PTPRD: variants seen among roughly 807,000 people sequenced by gnomAD.
The protein encoded by PTPRD is receptor-type tyrosine-protein phosphatase delta.
Under a neutral mutation model 214.5 loss-of-function variants are expected in PTPRD, and 34 were observed. That is an observed-to-expected ratio of 0.16 (90% CI 0.12 to 0.21). The LOEUF (loss-of-function observed/expected upper bound fraction) is 0.21. Ranked by LOEUF, PTPRD falls within the 10% of genes least tolerant of loss-of-function variation. The pLI is 1.00. For missense variants in PTPRD, 2,545 were observed against 2,398.7 expected (o/e 1.06, Z -1.27); for synonymous variants, 1,128 against 845.7 (o/e 1.33, Z -5.79).
At chr9:8,723,229 C>G (rs540085275) in intron 12 of PTPRD, among the ~76,000 whole-genome samples, 6 of 152,194 alleles carry the variant, frequency 3.9e-5, no homozygotes, top group African/African-American at 1.4e-4. Flanking sequence ...CCCCATCTGC[C>G]TGGATGCTCT....
At chr9:10,359,626 G>A (rs1010585230) in intron 2 of PTPRD, among the ~76,000 whole-genome samples, 1 of 152,056 alleles carries the variant, frequency 6.6e-6, no homozygotes, top group Non-Finnish European at 1.5e-5. Flanking sequence ...GTAATGGGTT[G>A]AACATAAATC....
intron 34 of PTPRD, among the ~76,000 whole-genome samples, chr9:8,444,878 C>A (rs2095665763): frequency 6.6e-6 from 1 of 152,138 alleles, no homozygotes. Flanking sequence ...GTTTAACAAG[C>A]AACATATCTA....
At chr9:8,870,546 A>G (rs1292473428) in intron 11 of PTPRD, among the ~76,000 whole-genome samples, 1 of 152,124 alleles carries the variant, frequency 6.6e-6, no homozygotes, top group Non-Finnish European at 1.5e-5. Flanking sequence ...AACCTTAGTA[A>G]TGCCCTCGTG....
At chr9:9,572,338 T>C (rs2086699126) in intron 8 of PTPRD, among the ~76,000 whole-genome samples, 1 of 151,314 alleles carries the variant, frequency 6.6e-6, no homozygotes, top group Non-Finnish European at 1.5e-5. Flanking sequence ...GAGAAAGTAT[T>C]TAAGAATGTA....
At chr9:9,598,538 G>A (rs1001042564) in intron 7 of PTPRD, among the ~76,000 whole-genome samples, 2 of 151,844 alleles carry the variant, frequency 1.3e-5, no homozygotes, top group Non-Finnish European at 2.9e-5. Flanking sequence ...AAGTTATACA[G>A]AATACAGTTT....
intron 14 of PTPRD, among the ~76,000 whole-genome samples, chr9:8,620,100 A>G (rs1005992553): frequency 2.0e-5 from 3 of 152,002 alleles, no homozygotes; most frequent in African/African-American, 7.2e-5. Flanking sequence ...TGGAACACCT[A>G]TATATTAAAA....
rs139011833 is a variant in PTPRD at position 10,464,657 on chromosome 9, C to A, written c.-599-123640G>T. Among the ~76,000 whole-genome samples, 324 of 151,696 alleles carry A rather than the reference C, an allele frequency of 2.1e-3. 4 individuals are homozygous for A. The highest frequency in any genetic ancestry group is 0.014 in the Middle Eastern group (4 of 292). The stretch of plus-strand genomic sequence containing the variant: ...AGAAATGCATAAAGGTCCTAGTGAC[C>A]TAATTATGATTTGAATCCAATCTTA... On this transcript the variant is annotated intron_variant, in intron 2 of 45. Transcript: ENST00000381196.
At chr9:10,567,771 T>C (rs2066076331) in intron 2 of PTPRD, among the ~76,000 whole-genome samples, 1 of 151,810 alleles carries the variant, frequency 6.6e-6, no homozygotes, top group South Asian at 2.1e-4. Flanking sequence ...ATATATTTAG[T>C]GTTCAGTATT....
intron 11 of PTPRD, among the ~76,000 whole-genome samples, chr9:8,855,361 T>C (rs1487513609): frequency 6.6e-6 from 1 of 152,158 alleles, no homozygotes; most frequent in Non-Finnish European, 1.5e-5. Context: ...TTTACATCTA[T>C]GGTTATCTAC....
At chr9:8,398,699 T>G (rs1271046066) in intron 36 of PTPRD, among the ~76,000 whole-genome samples, 2 of 152,122 alleles carry the variant, frequency 1.3e-5, no homozygotes, top group Non-Finnish European at 2.9e-5. Flanking sequence ...TTTGGCCATG[T>G]AAGGACACAG....
At chr9:8,519,565 C>T (rs2097850787) in intron 20 of PTPRD, among the ~76,000 whole-genome samples, 1 of 152,120 alleles carries the variant, frequency 6.6e-6, no homozygotes, top group Admixed American at 6.6e-5. Flanking sequence ...CCTAGAATGG[C>T]AGCTTTTCAA....
chr9:9,187,954 A>G (rs1018199751), intron 9 of PTPRD, among the ~76,000 whole-genome samples: 2 of 152,018 alleles, frequency 1.3e-5, no homozygotes, highest in Non-Finnish European at 2.9e-5. Context: ...GCACTTATAG[A>G]AAAGTACATA....
At chr9:10,516,248 A>T (rs960897005) in intron 2 of PTPRD, among the ~76,000 whole-genome samples, 4 of 151,470 alleles carry the variant, frequency 2.6e-5, no homozygotes, top group East Asian at 1.9e-4. Context: ...TCTTTTTTTA[A>T]AAAAAATAAT....
At chr9:9,824,535 A>C (rs1388127450) in intron 5 of PTPRD, among the ~76,000 whole-genome samples, 1 of 152,010 alleles carries the variant, frequency 6.6e-6, no homozygotes, top group African/African-American at 2.4e-5. Flanking sequence ...ATTAACTGTA[A>C]AAATTAATAC....
At chr9:8,488,705 AC>A (rs1248658592) in intron 27 of PTPRD, among the ~76,000 whole-genome samples, 2 of 152,212 alleles carry the variant, frequency 1.3e-5, no homozygotes, top group Non-Finnish European at 2.9e-5. Flanking sequence ...ACATTGGCAG[AC>A]ATCTTTAATT....
chr9:9,333,841 C>G (rs2136775861), intron 9 of PTPRD, among the ~76,000 whole-genome samples: 1 of 151,892 alleles, frequency 6.6e-6, no homozygotes, highest in African/African-American at 2.4e-5. Context: ...TTAGGAAATT[C>G]AGATATATTT....
At chr9:8,853,397 T>C (rs923677171) in intron 11 of PTPRD, among the ~76,000 whole-genome samples, 5 of 152,054 alleles carry the variant, frequency 3.3e-5, no homozygotes, top group Non-Finnish European at 5.9e-5. Flanking sequence ...TTGTGGAGAG[T>C]TGAAATCCAT....
At chr9:9,544,637 C>T (rs1293362981) in intron 8 of PTPRD, among the ~76,000 whole-genome samples, 1 of 151,722 alleles carries the variant, frequency 6.6e-6, no homozygotes, top group Non-Finnish European at 1.5e-5. Context: ...TTAATATCTA[C>T]ATGCACTTTT....
At chr9:9,687,897 T>C (rs1451151390) in intron 7 of PTPRD, among the ~76,000 whole-genome samples, 1 of 151,818 alleles carries the variant, frequency 6.6e-6, no homozygotes, top group Non-Finnish European at 1.5e-5. Context: ...TCTCGAATTG[T>C]AATCCCAATA....
Sources: gnomAD v4.1 joint callset for allele counts (sites outside exome capture counted in the v4.1 genomes callset) on GRCh38, gnomAD v4.1.1 for gene constraint, MANE v1.5 for transcripts, NCBI Gene and HGNC (gene_info 2026-07-23, HGNC 2026-07-21) for gene names.